DSCAML1: variants seen among roughly 807,000 people sequenced by gnomAD.
The protein encoded by DSCAML1 is DS cell adhesion molecule like 1, also known as cell adhesion molecule DSCAML1.
In DSCAML1, 38 loss-of-function variants were observed where a neutral mutation model predicts 200.5. The ratio of observed to expected loss-of-function variants is 0.19; its 90% confidence interval spans 0.15 to 0.25. The LOEUF is 0.25. DSCAML1 is among the 10% of genes least tolerant of loss of function. DSCAML1 has a pLI of 1.00. For missense variants in DSCAML1, 2,223 were observed against 2,858.8 expected, an observed-to-expected ratio of 0.78 and a Z score of 5.07; for synonymous variants, 1,215 against 1,165.0, an observed-to-expected ratio of 1.04 and a Z score of -0.87.
At chr11:117,713,980 C>G (rs1354846466) in intron 3 of DSCAML1, among the ~76,000 whole-genome samples, 1 of 152,204 alleles carries the variant, frequency 6.6e-6, no homozygotes, top group African/African-American at 2.4e-5. Flanking sequence ...AAGCAGAAAC[C>G]CCGGGGCCTG....
chr11:117,585,775 C>G (rs1591294914), intron 3 of DSCAML1, among the ~76,000 whole-genome samples: 1 of 152,112 alleles, frequency 6.6e-6, no homozygotes, highest in Admixed American at 6.5e-5. Flanking sequence ...GAGGAGGAGT[C>G]GCCAGGGCCA....
Position 117,518,233 on chromosome 11 carries a change from G to C in DSCAML1, c.1510+233C>G, listed in dbSNP as rs1453393330. On this transcript the variant is annotated intron_variant, in intron 7 of 32. Coordinates refer to ENST00000651296, the MANE Select transcript of DSCAML1 (RefSeq NM_020693.4). This position sits in a 1 kb window ranked among gnomAD's most constrained non-coding sequence, Gnocchi z 6.3. ...ATTTCTGGACAGGAGGAAGGAGGAG[G>C]GGGAATGGGGAGGTGAATGAGGGTG... 6.6e-6 allele frequency among the ~76,000 whole-genome samples: 1 copy of C among 152,034 alleles called. No individual in the cohort carries two copies. The highest frequency in any genetic ancestry group is 1.5e-5 in the Non-Finnish European group (1 of 67,992).
At chr11:117,508,533 AGCTAGAATAAGAGGGGGG>A (rs2049553371) in intron 8 of DSCAML1, among the ~76,000 whole-genome samples, 1 of 150,788 alleles carries the variant, frequency 6.6e-6, no homozygotes, top group Non-Finnish European at 1.5e-5. Context: ...ATGGGGGCTC[AGCTAGAATAAGAGGGGGG>A]GTCTGTGCTG....
intron 11 of DSCAML1, among the ~76,000 whole-genome samples, chr11:117,483,094 G>A (rs560691362): frequency 2.0e-5 from 3 of 152,278 alleles, no homozygotes; most frequent in Non-Finnish European, 4.4e-5. Context: ...GTCAATCACC[G>A]GCCCCTCCTC....
intron 3 of DSCAML1, among the ~76,000 whole-genome samples, chr11:117,596,414 A>G (rs1307904145): frequency 6.6e-6 from 1 of 151,466 alleles, no homozygotes; most frequent in Non-Finnish European, 1.5e-5. Context: ...TCTCAGTAGG[A>G]CATGCCAAAA....
intron 3 of DSCAML1, among the ~76,000 whole-genome samples, chr11:117,677,172 G>A (rs1294592670): frequency 6.6e-6 from 1 of 152,192 alleles, no homozygotes; most frequent in East Asian, 1.9e-4. Context: ...CATTTCTCAT[G>A]GTCTCAGAAT....
intron 3 of DSCAML1, among the ~76,000 whole-genome samples, chr11:117,551,601 T>C (rs1026024119): frequency 1.3e-5 from 2 of 152,192 alleles, no homozygotes; most frequent in Non-Finnish European, 2.9e-5. Flanking sequence ...TTTGTCATCC[T>C]TCTGCCACCT....
upstream of DSCAML1, among the ~76,000 whole-genome samples, chr11:117,798,885 TCC>T (rs2055629778): frequency 6.6e-6 from 1 of 152,082 alleles, no homozygotes; most frequent in Non-Finnish European, 1.5e-5. Flanking sequence ...AGCTGCAGCA[TCC>T]CTCGGTGGCT....
chr11:117,811,882 C>G (rs2055764336), intron 1 of DSCAML1, among the ~76,000 whole-genome samples: 1 of 152,198 alleles, frequency 6.6e-6, no homozygotes, highest in South Asian at 2.1e-4. Flanking sequence ...ACCTTCTTTT[C>G]AAAGGCCTGT....
chr11:117,669,539 T>C (rs1166834603), intron 3 of DSCAML1, among the ~76,000 whole-genome samples: 2 of 152,108 alleles, frequency 1.3e-5, no homozygotes, highest in Non-Finnish European at 2.9e-5. Context: ...CATATACAAG[T>C]GAACAAGACA....
At chr11:117,791,027 G>C (rs2055455799) in intron 1 of DSCAML1, among the ~76,000 whole-genome samples, 1 of 152,246 alleles carries the variant, frequency 6.6e-6, no homozygotes, top group South Asian at 2.1e-4. Context: ...AGGGAGTGGG[G>C]CAGGGCAGCT....
chr11:117,707,659 G>C (rs955128209), intron 3 of DSCAML1, among the ~76,000 whole-genome samples: 1 of 151,848 alleles, frequency 6.6e-6, no homozygotes, highest in Admixed American at 6.6e-5. Flanking sequence ...TCAGCCTCCC[G>C]AGTAGCTGGG....
At chr11:117,692,989 G>A (rs942901163) in intron 3 of DSCAML1, among the ~76,000 whole-genome samples, 1 of 152,156 alleles carries the variant, frequency 6.6e-6, no homozygotes, top group African/African-American at 2.4e-5. Context: ...CTTCCAACAT[G>A]TTCAGTTTCT....
chr11:117,483,866 A>C (rs554556696), intron 11 of DSCAML1, among the ~76,000 whole-genome samples: 5 of 152,234 alleles, frequency 3.3e-5, no homozygotes, highest in South Asian at 2.1e-4. Flanking sequence ...AGGGGCTGTC[A>C]TTGGCTGCAA....
At chr11:117,734,276 T>G (rs1022199076) in intron 3 of DSCAML1, among the ~76,000 whole-genome samples, 4 of 152,156 alleles carry the variant, frequency 2.6e-5, no homozygotes, top group African/African-American at 9.7e-5. Context: ...CCTAGGGAGA[T>G]CTTTCTCTAG....
chr11:117,748,780 C>T (rs571119052), intron 3 of DSCAML1, among the ~76,000 whole-genome samples: 4 of 152,268 alleles, frequency 2.6e-5, no homozygotes, highest in South Asian at 4.1e-4. Flanking sequence ...CTAGGGAGGC[C>T]GAGAAAGACC....
intron 3 of DSCAML1, among the ~76,000 whole-genome samples, chr11:117,679,491 C>T (rs1244469332): frequency 6.6e-6 from 1 of 152,144 alleles, no homozygotes; most frequent in Non-Finnish European, 1.5e-5. Context: ...TTTTCCAGCC[C>T]TTGGTGAGCA....
At chr11:117,773,726 T>A (rs188082186) in intron 3 of DSCAML1, among the ~76,000 whole-genome samples, 10 of 152,202 alleles carry the variant, frequency 6.6e-5, no homozygotes, top group African/African-American at 2.4e-4. Context: ...AAAACTCCAC[T>A]CTCTCTGGCT....
rs1010502681 is a variant in DSCAML1 at position 117,504,529 on chromosome 11, G to T, written c.2182+395C>A. Among the ~76,000 whole-genome samples, 14 of 152,168 alleles carry T rather than the reference G, an allele frequency of 9.2e-5. No individual in the cohort carries two copies. The highest frequency in any genetic ancestry group is 1.8e-4 in the Non-Finnish European group (12 of 68,028). ...AGTCAGAAAGCAAAGGCATCCCTGG[G>T]ATGAAATTGGGCTCCAAGAAGGACC... On this transcript the variant is annotated intron_variant, in intron 10 of 32. Transcript: ENST00000651296. The surrounding 1 kb of genome is among the most constrained non-coding windows in gnomAD (Gnocchi z 5.0).
Sources: allele counts gnomAD v4.1 joint callset (sites outside exome capture counted in the v4.1 genomes callset), GRCh38; gene constraint gnomAD v4.1.1; non-coding constraint Gnocchi (gnomAD v3.1); transcripts MANE v1.5; gene names NCBI Gene and HGNC (gene_info 2026-07-23, HGNC 2026-07-21).